The following RIN2 variants were observed in gnomAD, a reference collection of about 807,000 sequenced individuals.
The protein encoded by RIN2 is RAB5 interacting protein 2.
In RIN2, 36 loss-of-function variants were observed where a neutral mutation model predicts 78.0. That is an observed-to-expected ratio of 0.46 (90% CI 0.35 to 0.61). The LOEUF is 0.61. Among genes scored for constraint, RIN2 ranks in the 20% least tolerant of loss-of-function variants. The probability of loss-of-function intolerance (pLI) is 0.00; values close to 1 mark genes in which losing one functional copy is unlikely to be tolerated. For synonymous variants in RIN2, 466 were observed against 466.8 expected, an observed-to-expected ratio of 1.00 and a Z score of 0.02; for missense variants, 1,087 against 1,159.7, an observed-to-expected ratio of 0.94 and a Z score of 0.91.
intron 3 of RIN2, among the ~76,000 whole-genome samples, chr20:19,910,265 C>T (rs1041638103): frequency 6.9e-6 from 1 of 144,112 alleles, no homozygotes; most frequent in African/African-American, 2.7e-5. Flanking sequence ...CAACCTCTGC[C>T]TCCCGGGTTC....
chr20:19,844,691 C>CTT lies in RIN2; in HGVS notation c.-36-44875_-36-44874insTT, dbSNP rs1227952197. ...CTTCCTTCTTCTTCTTCTTCCTCTT[C>CTT]CTCTTCCTCTTCTTCTTCTTCTTCT... On this transcript the variant is annotated intron_variant, in intron 2 of 12. Coordinates refer to ENST00000255006, the MANE Select transcript of RIN2 (RefSeq NM_018993.4). Among the ~76,000 whole-genome samples the CTT allele has an allele frequency of 5.2e-3, 78 of 15,064 alleles. 1 individual carries two copies. Among genetic ancestry groups the CTT allele is most frequent in the African/African-American group, 0.014 (76 of 5,540 alleles). The allele number at this position is 15,064 out of a possible 152,430, so 9.9% of individuals were successfully genotyped here.
chr20:19,766,962 G>A (rs1470804186), intron 1 of RIN2, among the ~76,000 whole-genome samples: 6 of 151,892 alleles, frequency 4.0e-5, no homozygotes, highest in African/African-American at 1.5e-4. Flanking sequence ...GAGGCTTGGA[G>A]CACCTAGGGA....
At chr20:19,995,273 A>AC (rs2096826349) in intron 11 of RIN2, among the ~76,000 whole-genome samples, 1 of 151,360 alleles carries the variant, frequency 6.6e-6, no homozygotes, top group African/African-American at 2.4e-5. Context: ...AAAAAAAAAA[A>AC]AAAAACAAAA....
In RIN2 at chr20:19,974,948, C is replaced by T. The variant is rs374058245; in HGVS notation, c.923C>T (p.Pro308Leu). ...ANGTERTRSP[P>L]PRPPPPAINS... Reference sequence around the variant, plus strand: ...GGCACGGAGCGGACTCGGTCCCCCCCACCCAGGCCCCCGCCACCCGCTATT... The same window carrying T: ...GGCACGGAGCGGACTCGGTCCCCCCTACCCAGGCCCCCGCCACCCGCTATT... The change falls in exon 9 of 13, where the codon CCA becomes CTA. Residue 308 changes from proline (P) to leucine (L), a missense_variant. Physicochemically the swap from Pro to Leu is moderately conservative, Grantham distance 98. This residue lies in a region of RIN2 where 706 missense variants were observed against 667.5 expected (regional missense o/e 1.06). Transcript: ENST00000255006. 5.7e-5 allele frequency: 91 copies of T among 1,603,548 alleles called. 1 individual carries two copies. Among genetic ancestry groups the T allele is most frequent in the South Asian group, 1.4e-4 (13 of 90,894 alleles).
chr20:19,764,916 G>GTGTTT (rs1568731017), intron 1 of RIN2, among the ~76,000 whole-genome samples: 3 of 35,346 alleles, frequency 8.5e-5, no homozygotes, highest in South Asian at 2.0e-3. Context: ...TTCACTTTCT[G>GTGTTT]CGTTTTTTTT....
At chr20:19,834,079 A>C (rs1006503607) in intron 2 of RIN2, among the ~76,000 whole-genome samples, 1 of 152,138 alleles carries the variant, frequency 6.6e-6, no homozygotes, top group Non-Finnish European at 1.5e-5. Context: ...GCTGGGTGCA[A>C]GGTTTTCCCC....
chr20:19,796,699 A>G (rs2035065619), intron 1 of RIN2, among the ~76,000 whole-genome samples: 1 of 152,204 alleles, frequency 6.6e-6, no homozygotes, highest in Admixed American at 6.5e-5. Flanking sequence ...CCATCCCCAA[A>G]TTGATTTGGG....
At chr20:19,903,598 A>G (rs966865197) in intron 3 of RIN2, among the ~76,000 whole-genome samples, 2 of 152,272 alleles carry the variant, frequency 1.3e-5, no homozygotes, top group African/African-American at 2.4e-5. Context: ...CACCACTGGG[A>G]TGGGGATGCT....
chr20:19,913,203 G>A lies in RIN2; in HGVS notation c.58-21896G>A, dbSNP rs529193754. On this transcript the variant is annotated intron_variant, in intron 3 of 12. Transcript: ENST00000255006. ...TTTCTAGGGATTCTGTTTTGTTGTCGTTGTTCACACTGTAGCTCTCAGATC... is the reference window on the plus strand; with the variant it reads ...TTTCTAGGGATTCTGTTTTGTTGTCATTGTTCACACTGTAGCTCTCAGATC... 3.9e-5 allele frequency among the ~76,000 whole-genome samples: 6 copies of A among 151,956 alleles called. No individual in the cohort carries two copies. In the East Asian group the frequency reaches 7.7e-4, roughly 20 times the overall value.
At chr20:19,897,683 ATGG>A (rs1453186392) in intron 3 of RIN2, among the ~76,000 whole-genome samples, 13 of 150,914 alleles carry the variant, frequency 8.6e-5, no homozygotes, top group African/African-American at 3.2e-4. Context: ...GGTCATAAGA[ATGG>A]TGGTCTCTCT....
At chr20:19,843,807 G>T (rs1178146829) in intron 2 of RIN2, among the ~76,000 whole-genome samples, 1 of 151,754 alleles carries the variant, frequency 6.6e-6, no homozygotes, top group Non-Finnish European at 1.5e-5. Context: ...AATTTCTTTT[G>T]AAAAGAACTA....
chr20:19,835,669 C>A (rs1358887162), intron 2 of RIN2, among the ~76,000 whole-genome samples: 1 of 151,954 alleles, frequency 6.6e-6, no homozygotes, highest in East Asian at 1.9e-4. Flanking sequence ...AAGCCGTCTT[C>A]CCTGAAATTC....
At chr20:19,819,576 C>G (rs2035870890) in intron 2 of RIN2, among the ~76,000 whole-genome samples, 1 of 152,198 alleles carries the variant, frequency 6.6e-6, no homozygotes, top group Non-Finnish European at 1.5e-5. Flanking sequence ...CAAGGTCTCA[C>G]CGAGGCTAGA....
intron 2 of RIN2, among the ~76,000 whole-genome samples, chr20:19,852,923 G>A (rs1213961953): frequency 6.6e-6 from 1 of 151,514 alleles, no homozygotes; most frequent in African/African-American, 2.4e-5. Context: ...TAGGGTACAT[G>A]TGCACAACGT....
chr20:19,785,275 TACACACACACAC>T (rs11471757), intron 1 of RIN2, among the ~76,000 whole-genome samples: 1 of 142,956 alleles, frequency 7.0e-6, no homozygotes, highest in Non-Finnish European at 1.6e-5. Flanking sequence ...CCCCTCTACA[TACACACACACAC>T]ACACACACAC....
chr20:19,768,089 CTG>C (rs950089633), intron 1 of RIN2, among the ~76,000 whole-genome samples: 39 of 152,218 alleles, frequency 2.6e-4, no homozygotes, highest in African/African-American at 8.9e-4. Flanking sequence ...ATGATCCAGA[CTG>C]TGTGTCACGA....
chr20:19,957,383 A>G (rs2041585963), intron 5 of RIN2, among the ~76,000 whole-genome samples: 2 of 150,892 alleles, frequency 1.3e-5, no homozygotes, highest in African/African-American at 5.0e-5. Flanking sequence ...AGGTCCTCAA[A>G]AAAGTGACTG....
intron 3 of RIN2, among the ~76,000 whole-genome samples, chr20:19,930,241 C>T (rs2040390162): frequency 1.3e-5 from 2 of 152,112 alleles, no homozygotes; most frequent in Non-Finnish European, 2.9e-5. Flanking sequence ...AGATAGGTGG[C>T]ATGGCAATGG....
chr20:19,912,894 G>C (rs2039535751), intron 3 of RIN2, among the ~76,000 whole-genome samples: 1 of 152,256 alleles, frequency 6.6e-6, no homozygotes, highest in Non-Finnish European at 1.5e-5. Context: ...AGGCACAGCT[G>C]AGGAAGCTGC....
Sources: allele counts gnomAD v4.1 joint callset (sites outside exome capture counted in the v4.1 genomes callset), GRCh38; gene constraint gnomAD v4.1.1; regional missense constraint gnomAD v4.1.1; transcripts MANE v1.5; gene names NCBI Gene and HGNC (gene_info 2026-07-23, HGNC 2026-07-21).